Variants in GALNT2 observed in about 807,000 individuals in gnomAD.
GALNT2 encodes polypeptide N-acetylgalactosaminyltransferase 2.
In GALNT2, 31 loss-of-function variants were observed where a neutral mutation model predicts 81.4. The observed-to-expected ratio is 0.38, with a 90% CI of 0.29 to 0.51. The LOEUF is 0.51. Ranked by LOEUF, GALNT2 falls within the 20% of genes least tolerant of loss-of-function variation. The probability of loss-of-function intolerance (pLI) is 0.87; values close to 1 mark genes in which losing one functional copy is unlikely to be tolerated. For synonymous variants in GALNT2, 303 were observed against 287.4 expected (o/e 1.05, Z -0.55); for missense variants, 629 against 765.7 (o/e 0.82, Z 2.11).
intron 3 of GALNT2, among the ~76,000 whole-genome samples, chr1:230,224,311 G>A (rs1381986003): frequency 6.6e-6 from 1 of 152,314 alleles, no homozygotes; most frequent in South Asian, 2.1e-4. Flanking sequence ...GGCATCGGGA[G>A]GAATGAAAGT....
intron 14 of GALNT2, among the ~76,000 whole-genome samples, chr1:230,266,385 T>C (rs528700964): frequency 9.2e-5 from 14 of 152,218 alleles, no homozygotes; most frequent in Non-Finnish European, 1.5e-4. Flanking sequence ...TCCTGTGTGC[T>C]CTTACCCCCT....
In GALNT2 at chr1:230,156,231, G is replaced by A. The variant is rs200576843; in HGVS notation, c.127-21987G>A. Among the ~76,000 whole-genome samples, 636 of 127,146 alleles carry A rather than the reference G, an allele frequency of 5.0e-3. 3 individuals carry two copies. Among genetic ancestry groups the A allele is most frequent in the African/African-American group, 0.018 (549 of 30,696 alleles). 83.4% of individuals were successfully genotyped at this position (127,146 alleles called of 152,430 possible). On this transcript the variant is annotated intron_variant, in intron 1 of 15. Transcript: ENST00000366672. ...CGAGGGAGAGAGAGAGAGAGAGAGA[G>A]AAAGAGAGAGAGAGTGTGTGTGTGT...
At chr1:230,156,210 GGAGAGAGAGA>G (rs750570856) in intron 1 of GALNT2, among the ~76,000 whole-genome samples, 1 of 72,820 alleles carries the variant, frequency 1.4e-5, no homozygotes, top group Non-Finnish European at 3.6e-5. Flanking sequence ...AGCAGACGAG[GGAGAGAGAGA>G]GAGAGAGAGA....
intron 3 of GALNT2, among the ~76,000 whole-genome samples, chr1:230,217,226 A>C (rs1446709311): frequency 1.3e-5 from 2 of 152,198 alleles, no homozygotes; most frequent in Admixed American, 6.5e-5. Flanking sequence ...TAGGAGTGTG[A>C]AAGAGTCAAG....
rs111372768 is a variant in GALNT2, at chr1:230,131,765, G to A, written c.127-46453G>A. Among the ~76,000 whole-genome samples, 1,159 of 152,284 alleles carry A rather than the reference G, an allele frequency of 7.6e-3. 11 individuals carry two copies. The highest frequency in any genetic ancestry group is 0.023 in the African/African-American group (957 of 41,556). On this transcript the variant is annotated intron_variant, in intron 1 of 15. Transcript: ENST00000366672. ...TTGGAGGCCGAAGAGTGAGGGTCGT[G>A]ATCAACTCAGTATACCACTGGAGGC...
intron 1 of GALNT2, among the ~76,000 whole-genome samples, chr1:230,120,244 A>G (rs1660974128): frequency 2.0e-5 from 3 of 152,244 alleles, no homozygotes; most frequent in South Asian, 4.1e-4. Flanking sequence ...GTAAGGTTAC[A>G]TAGTAACAGT....
chr1:230,255,166 A>C, intron 10 of GALNT2, 52 bp from the exon 11 acceptor site: 1 of 1,613,250 alleles, frequency 6.2e-7, no homozygotes. Context: ...CTGCTGTTGC[A>C]GAGGTGCGTC....
At chr1:230,248,363 G>A (rs1174264143) in intron 8 of GALNT2, among the ~76,000 whole-genome samples, 1 of 152,212 alleles carries the variant, frequency 6.6e-6, no homozygotes, top group Non-Finnish European at 1.5e-5. Flanking sequence ...CCTTGGAATT[G>A]GAAATGCAGC....
intron 1 of GALNT2, among the ~76,000 whole-genome samples, chr1:230,128,837 C>T (rs745926754): frequency 5.3e-5 from 8 of 152,168 alleles, no homozygotes; most frequent in African/African-American, 1.4e-4. Flanking sequence ...TGGGGTGCCC[C>T]GAGCCCCATC....
chr1:230,245,689 A>G lies in GALNT2; in HGVS notation c.730-374A>G, dbSNP rs769510890. On this transcript the variant is annotated intron_variant, in intron 7 of 15. Coordinates refer to ENST00000366672, the MANE Select transcript of GALNT2 (RefSeq NM_004481.5). Reference sequence around the variant, plus strand: ...TCCTGAAGTTTACTGCAGCTCACAAATCACTAATGGTATTTGGGCAAACAG... The same window carrying G: ...TCCTGAAGTTTACTGCAGCTCACAAGTCACTAATGGTATTTGGGCAAACAG... 6.6e-5 allele frequency among the ~76,000 whole-genome samples: 10 copies of G among 152,220 alleles called. No individual in the cohort carries two copies. The South Asian group carries it at 8.3e-4, about 13-fold the overall frequency.
chr1:230,062,725 A>G (rs1046399976), upstream of GALNT2, among the ~76,000 whole-genome samples: 2 of 152,162 alleles, frequency 1.3e-5, no homozygotes, highest in African/African-American at 4.8e-5. Context: ...ATTCCATTGC[A>G]TGGATATACC....
chr1:230,149,506 T>C lies in GALNT2; in HGVS notation c.127-28712T>C, dbSNP rs1047136472. Among the ~76,000 whole-genome samples the C allele has an allele frequency of 9.9e-5, 15 of 152,282 alleles. No individual in the cohort carries two copies. In the East Asian group the frequency reaches 2.9e-3, roughly 29 times the overall value. On this transcript the variant is annotated intron_variant, in intron 1 of 15. Coordinates refer to ENST00000366672, the MANE Select transcript of GALNT2 (RefSeq NM_004481.5). The stretch of plus-strand genomic sequence containing the variant: ...GATTTCTGCCTAAACATAGTCCTTC[T>C]CTGTAGTAGTGATTCTAGGATGAGC...
intron 1 of GALNT2, among the ~76,000 whole-genome samples, chr1:230,060,397 G>A (rs932080209): frequency 1.3e-5 from 2 of 152,044 alleles, no homozygotes; most frequent in African/African-American, 4.8e-5. Context: ...CCATGATGCT[G>A]TCACCTTCTC....
chr1:230,100,064 TGC>T (rs746805144), intron 1 of GALNT2, among the ~76,000 whole-genome samples: 6 of 152,224 alleles, frequency 3.9e-5, no homozygotes, highest in Non-Finnish European at 7.3e-5. Flanking sequence ...CAGTCTGTGG[TGC>T]AGACTAGGAG....
intron 1 of GALNT2, among the ~76,000 whole-genome samples, chr1:230,112,593 CT>C (rs1341802643): frequency 6.6e-5 from 10 of 152,210 alleles, no homozygotes; most frequent in Non-Finnish European, 1.3e-4. Context: ...CCACTCTTCC[CT>C]TGCTGAGCTG....
intron 1 of GALNT2, among the ~76,000 whole-genome samples, chr1:230,167,677 G>T (rs1031273258): frequency 1.3e-5 from 2 of 152,200 alleles, no homozygotes; most frequent in East Asian, 3.9e-4. Context: ...GGGAACTGCC[G>T]AGCGTGGAGG....
At chr1:230,116,732 C>G (rs1455865566) in intron 1 of GALNT2, among the ~76,000 whole-genome samples, 1 of 152,104 alleles carries the variant, frequency 6.6e-6, no homozygotes, top group African/African-American at 2.4e-5. Flanking sequence ...CGAGCAGTCT[C>G]AACACGGACT....
rs917153598 is a variant in GALNT2 at position 230,109,997 on chromosome 1, A to G, written c.126+42591A>G. Among the ~76,000 whole-genome samples the G allele has an allele frequency of 3.9e-5, 6 of 152,194 alleles. 1 individual carries two copies. Among genetic ancestry groups the G allele is most frequent in the African/African-American group, 1.2e-4 (5 of 41,448 alleles). On this transcript the variant is annotated intron_variant, in intron 1 of 15. Coordinates refer to ENST00000366672, the MANE Select transcript of GALNT2 (RefSeq NM_004481.5). ...TCCTGTCACGCAGATCAGAGATGTG[A>G]AACAGACCTGGTGTACACCCGTCTG...
At chr1:230,114,769 A>G (rs1326691750) in intron 1 of GALNT2, among the ~76,000 whole-genome samples, 1 of 152,184 alleles carries the variant, frequency 6.6e-6, no homozygotes. Flanking sequence ...ATGGCAGTAA[A>G]GATGGATGGT....
Sources: gnomAD v4.1 joint callset for allele counts (sites outside exome capture counted in the v4.1 genomes callset) on GRCh38, gnomAD v4.1.1 for gene constraint, MANE v1.5 for transcripts, NCBI Gene and HGNC (gene_info 2026-07-23, HGNC 2026-07-21) for gene names.